PRKAG2: variants seen among roughly 807,000 people sequenced by gnomAD.
The protein encoded by PRKAG2 is 5'-AMP-activated protein kinase subunit gamma-2.
PRKAG2 carries 26 observed loss-of-function variants against 69.6 expected under a neutral mutation model. That is an observed-to-expected ratio of 0.37 (90% CI 0.27 to 0.52). PRKAG2 has a LOEUF of 0.52. PRKAG2 is among the 20% of genes least tolerant of loss of function. PRKAG2 has a pLI of 0.90. For missense variants in PRKAG2, 557 were observed against 740.0 expected (o/e 0.75, Z 2.87); for synonymous variants, 293 against 285.0 (o/e 1.03, Z -0.28).
intron 3 of PRKAG2, among the ~76,000 whole-genome samples, chr7:151,762,318 A>G (rs143985314): frequency 1.8e-4 from 27 of 152,324 alleles, no homozygotes; most frequent in African/African-American, 5.5e-4. Context: ...AATGAGCCCA[A>G]TGGAGGAAGG....
At chr7:151,663,103 C>T (rs1585587854) in intron 4 of PRKAG2, among the ~76,000 whole-genome samples, 1 of 152,220 alleles carries the variant, frequency 6.6e-6, no homozygotes, top group Non-Finnish European at 1.5e-5. Flanking sequence ...AAAAACGACA[C>T]AAATCTGAAC....
chr7:151,752,603 C>T (rs1586286400), intron 3 of PRKAG2, among the ~76,000 whole-genome samples: 1 of 152,230 alleles, frequency 6.6e-6, no homozygotes, highest in East Asian at 1.9e-4. Context: ...TGAGAAATAA[C>T]ATGGCACTGA....
intron 2 of PRKAG2, among the ~76,000 whole-genome samples, chr7:151,782,584 T>C (rs1456390938): frequency 1.3e-5 from 2 of 152,248 alleles, no homozygotes; most frequent in Admixed American, 6.5e-5. Flanking sequence ...ATATCTCACG[T>C]GCCCGCAGCC....
intron 1 of PRKAG2, among the ~76,000 whole-genome samples, chr7:151,816,097 A>G (rs2078630541): frequency 6.6e-6 from 1 of 152,154 alleles, no homozygotes; most frequent in South Asian, 2.1e-4. Context: ...AGGCCCACGG[A>G]CAAAAAGGCG....
At chr7:151,837,119 T>C (rs1437258567) in intron 1 of PRKAG2, 2 of 152,230 alleles carry the variant, frequency 1.3e-5, no homozygotes, top group African/African-American at 2.4e-5. Context: ...ACAGGAGCGG[T>C]GGGGAGACAG....
intron 6 of PRKAG2, among the ~76,000 whole-genome samples, chr7:151,589,346 T>C (rs1052177365): frequency 6.6e-6 from 1 of 152,074 alleles, no homozygotes; most frequent in African/African-American, 2.4e-5. Context: ...TCCACGACAC[T>C]GTGGAGTACA....
chr7:151,611,612 C>T lies in PRKAG2; in HGVS notation c.755-16158G>A, dbSNP rs772724830. On this transcript the variant is annotated intron_variant, in intron 5 of 15. Coordinates refer to ENST00000287878, the MANE Select transcript of PRKAG2 (RefSeq NM_016203.4). ...GAGTGAGGCGTGGATCCAGCAGAGCCGAGCCCACCCCATCCCACCAGGACA... is the reference window on the plus strand; with the variant it reads ...GAGTGAGGCGTGGATCCAGCAGAGCTGAGCCCACCCCATCCCACCAGGACA... Among the ~76,000 whole-genome samples, 59 of 152,116 alleles carry T rather than the reference C, an allele frequency of 3.9e-4. 1 individual carries two copies. The highest frequency in any genetic ancestry group is 1.2e-3 in the Admixed American group (19 of 15,272).
intron 3 of PRKAG2, among the ~76,000 whole-genome samples, chr7:151,715,548 G>A (rs1796047224): frequency 6.6e-6 from 1 of 151,730 alleles, no homozygotes; most frequent in African/African-American, 2.4e-5. Context: ...TAGAGACGGG[G>A]TTTCACCATA....
rs1285372960 is a variant in PRKAG2 at position 151,850,703 on chromosome 7, C to G, written c.114+25804G>C. On this transcript the variant is annotated intron_variant, in intron 1 of 15. Coordinates refer to ENST00000287878, the MANE Select transcript of PRKAG2 (RefSeq NM_016203.4). This position sits in a 1 kb window ranked among gnomAD's most constrained non-coding sequence, Gnocchi z 4.1. ...GTGCCCCACCAGCATCCACCCGCCC[C>G]ACCGGCTTCTGCCAGAGGGAGGAGT... is the stretch of plus-strand genomic sequence containing the variant. Among the ~76,000 whole-genome samples the G allele has an allele frequency of 6.6e-6, 1 of 152,250 alleles. No homozygotes were observed. The highest frequency in any genetic ancestry group is 1.5e-5 in the Non-Finnish European group (1 of 68,050).
At chr7:151,672,804 C>A (rs544602996) in intron 4 of PRKAG2, among the ~76,000 whole-genome samples, 5 of 152,064 alleles carry the variant, frequency 3.3e-5, no homozygotes, top group African/African-American at 4.8e-5. Context: ...AAATCCCACT[C>A]GACTGCACAC....
At chr7:151,714,505 C>T (rs1272615565) in intron 3 of PRKAG2, among the ~76,000 whole-genome samples, 1 of 152,264 alleles carries the variant, frequency 6.6e-6, no homozygotes, top group East Asian at 1.9e-4. Flanking sequence ...TCCTCCCATC[C>T]ACACCCTGCC....
intron 1 of PRKAG2, among the ~76,000 whole-genome samples, chr7:151,802,966 T>A (rs13243431): frequency 0.38 from 54,938 of 142,802 alleles, 10,740 homozygotes; most frequent in Non-Finnish European, 0.44. Flanking sequence ...ATATATATTT[T>A]TTTTTTTTTG....
chr7:151,752,572 A>T (rs559385626), intron 3 of PRKAG2, among the ~76,000 whole-genome samples: 17 of 152,308 alleles, frequency 1.1e-4, no homozygotes, highest in African/African-American at 3.8e-4. Context: ...TAAAATAAAA[A>T]TTTTTTAAAA....
At chr7:151,596,345 T>A (rs2151139731) in intron 5 of PRKAG2, among the ~76,000 whole-genome samples, 1 of 152,164 alleles carries the variant, frequency 6.6e-6, no homozygotes. Flanking sequence ...GAAATAGAAA[T>A]AATAAAAGAA....
intron 4 of PRKAG2, among the ~76,000 whole-genome samples, chr7:151,642,201 G>C (rs922979255): frequency 1.4e-4 from 21 of 151,978 alleles, no homozygotes; most frequent in Admixed American, 5.2e-4. Context: ...AAATTAGCCA[G>C]GCATGGTGGC....
chr7:151,812,288 G>A (rs2078460452), intron 1 of PRKAG2, among the ~76,000 whole-genome samples: 1 of 152,196 alleles, frequency 6.6e-6, no homozygotes, highest in Non-Finnish European at 1.5e-5. Context: ...GAGTCTGAGA[G>A]GAGGTAAGGG....
chr7:151,736,336 A>T, intron 3 of PRKAG2: 1 of 1,076,966 alleles, frequency 9.3e-7, no homozygotes, highest in Non-Finnish European at 1.1e-6. Flanking sequence ...TTCGCAGGGG[A>T]TTTGTTGATG....
intron 4 of PRKAG2, among the ~76,000 whole-genome samples, chr7:151,668,303 G>C (rs1238713877): frequency 1.3e-5 from 2 of 152,184 alleles, no homozygotes; most frequent in African/African-American, 2.4e-5. Flanking sequence ...TCCATCTTGA[G>C]CTTTCCAGCC....
chr7:151,816,251 G>A (rs970617384), intron 1 of PRKAG2, among the ~76,000 whole-genome samples: 63 of 152,152 alleles, frequency 4.1e-4, no homozygotes, highest in African/African-American at 1.5e-3. Context: ...GCGTGCTGTG[G>A]CCAGATAGCT....
Sources: allele counts gnomAD v4.1 joint callset (sites outside exome capture counted in the v4.1 genomes callset), GRCh38; gene constraint gnomAD v4.1.1; non-coding constraint Gnocchi (gnomAD v3.1); transcripts MANE v1.5; gene names NCBI Gene and HGNC (gene_info 2026-07-23, HGNC 2026-07-21).